The following ACTR1A variants were observed in gnomAD, a reference collection of about 807,000 sequenced individuals.
The protein encoded by ACTR1A is actin related protein 1A, also known as alpha-centractin.
A neutral mutation model predicts 50.7 loss-of-function variants in ACTR1A; 10 were observed. That is an observed-to-expected ratio of 0.20 (90% CI 0.12 to 0.33). The LOEUF (loss-of-function observed/expected upper bound fraction) is 0.33. Ranked by LOEUF, ACTR1A falls within the 10% of genes least tolerant of loss-of-function variation. ACTR1A has a pLI of 1.00. For synonymous variants in ACTR1A, 177 were observed against 184.2 expected (o/e 0.96, Z 0.32); for missense variants, 253 against 491.7 (o/e 0.51, Z 4.59).
At chr10:102,490,155 C>T (rs1337027705) in intron 2 of ACTR1A, among the ~76,000 whole-genome samples, 1 of 150,482 alleles carries the variant, frequency 6.6e-6, no homozygotes, top group African/African-American at 2.4e-5. Flanking sequence ...ATGGTGTGAA[C>T]CCGGGATGCA....
In ACTR1A at chr10:102,479,502, C is replaced by T. The variant is rs541800027; in HGVS notation, c.*1361G>A. On this transcript the variant is annotated 3_prime_UTR_variant, in exon 11 of 11. Coordinates refer to ENST00000369905, the MANE Select transcript of ACTR1A (RefSeq NM_005736.4). The surrounding 1 kb of genome is among the most constrained non-coding windows in gnomAD (Gnocchi z 4.0). ...GTCTTGGTGTCACAGGTGAGGGTGCCGGTGAAGACAGGCTGGCCCCAGCTT... is the reference window on the plus strand; with the variant it reads ...GTCTTGGTGTCACAGGTGAGGGTGCTGGTGAAGACAGGCTGGCCCCAGCTT... 8.7e-6 allele frequency: 6 copies of T among 687,624 alleles called. No homozygotes were observed. Among genetic ancestry groups the T allele is most frequent in the East Asian group, 1.3e-4 (2 of 15,068 alleles). The allele number at this position is 687,624 out of a possible 1,614,324, so 42.6% of individuals were successfully genotyped here.
chr10:102,483,240 C>A (rs1184123734), intron 6 of ACTR1A, 137 bp from the exon 7 acceptor site: 5 of 723,402 alleles, frequency 6.9e-6, no homozygotes, highest in Non-Finnish European at 9.9e-6. Flanking sequence ...AGCTGCTGCC[C>A]AGAAGCAGGG....
In ACTR1A at chr10:102,480,841, A is replaced by G; in HGVS notation, c.*22T>C. 6.4e-7 allele frequency: 1 copy of G among 1,569,350 alleles called. No individual in the cohort carries two copies. Among genetic ancestry groups the G allele is most frequent in the Non-Finnish European group, 8.8e-7 (1 of 1,139,856 alleles). On this transcript the variant is annotated 3_prime_UTR_variant, in exon 11 of 11. Coordinates refer to ENST00000369905, the MANE Select transcript of ACTR1A (RefSeq NM_005736.4). The stretch of plus-strand genomic sequence containing the variant: ...TTAAAGTGGAGTTAACTTCAGAGAG[A>G]GGTGAAGATGATGTCCCGACATTAG...
Position 102,502,605 on chromosome 10 carries a change from C to T in ACTR1A, c.43G>A (p.Asp15Asn). Residue 15 changes from aspartate to asparagine, a missense_variant, in exon 1 of 11, where the codon GAC becomes AAC. Coordinates refer to ENST00000369905, the MANE Select transcript of ACTR1A (RefSeq NM_005736.4). ...ATAGGAAAGACGCAACTCACGTTGT[C>T]GATCACGACAGGCTGGTTGGCGATC... ...DVIANQPVVI[D>N]NGSGVIKAGF... is the part of the protein sequence containing the mutation. The T allele has an allele frequency of 6.2e-7, 1 of 1,614,216 alleles. No homozygotes were observed.
rs2062148320 is a variant in ACTR1A at position 102,482,426 on chromosome 10, T to C, written c.751-251A>G. The C allele has an allele frequency of 5.6e-6, 3 of 535,292 alleles. No homozygotes were observed. The highest frequency in any genetic ancestry group is 3.4e-5 in the Admixed American group (1 of 29,698). The allele number at this position is 535,292 out of a possible 1,614,324, so 33.2% of individuals were successfully genotyped here. On this transcript the variant is annotated intron_variant, in intron 7 of 10. Coordinates refer to ENST00000369905, the MANE Select transcript of ACTR1A (RefSeq NM_005736.4). The surrounding 1 kb of genome is among the most constrained non-coding windows in gnomAD (Gnocchi z 5.6). ...CCAAGAGGTCTTTGGCATCAGTACA[T>C]GGATTTATTTGCTCATGGAAACGTC...
At position 102,490,628 on chromosome 10, in the gene ACTR1A, G is replaced by A. The variant is rs1198092429; in HGVS notation, c.49-15C>T. ...ACACCGGATCCCTGAGGAAAGAGGA[G>A]AGAGAATGAGGAGTCAGAACTATCA... On this transcript the variant is annotated splice_polypyrimidine_tract_variant and intron_variant, in intron 1 of 10. Coordinates refer to ENST00000369905, the MANE Select transcript of ACTR1A (RefSeq NM_005736.4). 1.9e-6 allele frequency: 3 copies of A among 1,601,712 alleles called. No homozygotes were observed. The highest frequency in any genetic ancestry group is 2.6e-6 in the Non-Finnish European group (3 of 1,169,292).
chr10:102,495,396 C>T (rs189163520), intron 1 of ACTR1A, among the ~76,000 whole-genome samples: 3 of 151,928 alleles, frequency 2.0e-5, no homozygotes, highest in African/African-American at 7.3e-5. Flanking sequence ...GGTGAAACCC[C>T]GTCTTCACTA....
intron 5 of ACTR1A, among the ~76,000 whole-genome samples, chr10:102,485,157 G>C (rs1433500542): frequency 6.6e-6 from 1 of 152,028 alleles, no homozygotes; most frequent in Non-Finnish European, 1.5e-5. Flanking sequence ...CCTCACTCTG[G>C]TGTGAGGTGG....
At chr10:102,495,613 C>A (rs2062216812) in intron 1 of ACTR1A, among the ~76,000 whole-genome samples, 1 of 151,070 alleles carries the variant, frequency 6.6e-6, no homozygotes, top group Non-Finnish European at 1.5e-5. Context: ...GCCTATAGTC[C>A]CAGTACTCGG....
chr10:102,488,921 A>T lies in ACTR1A; in HGVS notation c.189+142T>A, dbSNP rs1341252387. ...GAAAAATAAACCACCTAAGCCTAGG[A>T]TGAGAGAATCAAAAAGGAGATTTTC... is the stretch of plus-strand genomic sequence containing the variant. On this transcript the variant is annotated intron_variant, in intron 3 of 10. Transcript: ENST00000369905. The surrounding 1 kb of genome is among the most constrained non-coding windows in gnomAD (Gnocchi z 4.4). The T allele has an allele frequency of 3.5e-6, 2 of 579,626 alleles. No individual in the cohort carries two copies. The highest frequency in any genetic ancestry group is 3.9e-5 in the African/African-American group (2 of 51,678). The allele number at this position is 579,626 out of a possible 1,614,324, so 35.9% of individuals were successfully genotyped here.
At chr10:102,490,658 T>C in intron 1 of ACTR1A, 45 bp from the exon 2 acceptor site, 1 of 1,482,086 alleles carries the variant, frequency 6.7e-7, no homozygotes, top group Non-Finnish European at 9.4e-7. Context: ...CTATCACAAA[T>C]ACAAAAGGAA....
At chr10:102,499,877 A>T (rs1179546638) in intron 1 of ACTR1A, among the ~76,000 whole-genome samples, 1 of 152,222 alleles carries the variant, frequency 6.6e-6, no homozygotes, top group East Asian at 1.9e-4. Flanking sequence ...TTATTTAGGA[A>T]TATCTTTGTT....
chr10:102,486,505 C>A (rs927178238), intron 4 of ACTR1A, among the ~76,000 whole-genome samples: 2 of 152,084 alleles, frequency 1.3e-5, no homozygotes, highest in African/African-American at 4.8e-5. Flanking sequence ...GCCTGACCAA[C>A]ATGGAGAAAC....
intron 6 of ACTR1A, chr10:102,483,364 GAC>G (rs1168608282): frequency 9.2e-6 from 4 of 434,932 alleles, no homozygotes; most frequent in Non-Finnish European, 1.2e-5. Flanking sequence ...CTAGGTCTGA[GAC>G]CACAACCTAA....
intron 2 of ACTR1A, among the ~76,000 whole-genome samples, chr10:102,490,145 A>G (rs1366355906): frequency 6.7e-6 from 1 of 149,854 alleles, no homozygotes; most frequent in Non-Finnish European, 1.5e-5. Flanking sequence ...CTGAGGCAGA[A>G]TGGTGTGAAC....
intron 2 of ACTR1A, 120 bp downstream of exon 2, chr10:102,490,429 G>T: frequency 3.0e-6 from 2 of 663,740 alleles, no homozygotes; most frequent in East Asian, 2.9e-5. Context: ...CTCTCAAATT[G>T]TACCATGTAG....
In ACTR1A at chr10:102,489,138, A is replaced by G. The variant is rs1040459267; in HGVS notation, c.114T>C (p.Tyr38=). 3 of 1,561,952 alleles carry G rather than the reference A, an allele frequency of 1.9e-6. No homozygotes were observed. Among genetic ancestry groups the G allele is most frequent in the East Asian group, 2.4e-5 (1 of 41,112 alleles). ...DQIPKYCFPN[Y]VGRPKHVRVM... is the part of the protein sequence containing the mutation. The stretch of plus-strand genomic sequence containing the variant: ...CACGAACGTGCTTGGGTCGGCCCAC[A>G]CTAGAAAAGACAGTGAGGAGGACCA... The change falls in exon 3 of 11, where the codon TAT becomes TAC. Residue 38 remains tyrosine (Y), a splice_region_variant and synonymous_variant. Coordinates refer to ENST00000369905, the MANE Select transcript of ACTR1A (RefSeq NM_005736.4).
chr10:102,490,682 G>C, intron 1 of ACTR1A, 69 bp from the exon 2 acceptor site: 1 of 1,305,932 alleles, frequency 7.7e-7, no homozygotes, highest in Middle Eastern at 1.8e-4. Context: ...TACATTATAT[G>C]GTACCATTTT....
chr10:102,487,631 CT>C (rs145832320), intron 4 of ACTR1A, among the ~76,000 whole-genome samples: 51,541 of 116,702 alleles, frequency 0.44, 9,955 homozygotes, highest in Middle Eastern at 0.59. Context: ...CTTGGCTTTT[CT>C]TTTTTTTTTT....
Sources: allele counts gnomAD v4.1 joint callset (sites outside exome capture counted in the v4.1 genomes callset), GRCh38; gene constraint gnomAD v4.1.1; non-coding constraint Gnocchi (gnomAD v3.1); transcripts MANE v1.5; gene names NCBI Gene and HGNC (gene_info 2026-07-23, HGNC 2026-07-21).